FHIT: variants seen among roughly 807,000 people sequenced by gnomAD.
The protein encoded by FHIT is fragile histidine triad diadenosine triphosphatase, also known as bis(5'-adenosyl)-triphosphatase.
A neutral mutation model predicts 17.9 loss-of-function variants in FHIT; 19 were observed. The ratio of observed to expected loss-of-function variants is 1.06; its 90% CI spans 0.74 to 1.56. The LOEUF (loss-of-function observed/expected upper bound fraction) is 1.56, where lower values mean the gene tolerates loss of function less well. FHIT is among the 40% of genes most tolerant of loss of function. The pLI is 0.00. For synonymous variants in FHIT, 81 were observed against 69.7 expected, an observed-to-expected ratio of 1.16 and a Z score of -0.81; for missense variants, 248 against 189.2, an observed-to-expected ratio of 1.31 and a Z score of -1.82.
intron 4 of FHIT, among the ~76,000 whole-genome samples, chr3:60,602,909 C>A (rs919989090): frequency 1.3e-5 from 2 of 152,106 alleles, no homozygotes; most frequent in Admixed American, 6.6e-5. Flanking sequence ...GAAAGCAAGC[C>A]TTTGCCAGAC....
At chr3:60,301,603 C>T (rs945536691) in intron 5 of FHIT, among the ~76,000 whole-genome samples, 1 of 152,144 alleles carries the variant, frequency 6.6e-6, no homozygotes. Flanking sequence ...TGACATACCC[C>T]CCAGTTTCCC....
intron 7 of FHIT, among the ~76,000 whole-genome samples, chr3:59,923,648 G>A (rs2107197731): frequency 6.6e-6 from 1 of 152,238 alleles, no homozygotes; most frequent in South Asian, 2.1e-4. Flanking sequence ...TACAAACCGT[G>A]GGGAGGAATG....
chr3:60,071,271 T>C (rs910179415), intron 5 of FHIT, among the ~76,000 whole-genome samples: 1 of 152,200 alleles, frequency 6.6e-6, no homozygotes, highest in African/African-American at 2.4e-5. Context: ...AAGAATCCTA[T>C]TCATAATTTT....
chr3:60,956,318 G>T (rs1419443722), intron 3 of FHIT, among the ~76,000 whole-genome samples: 1 of 152,156 alleles, frequency 6.6e-6, no homozygotes, highest in Admixed American at 6.5e-5. Context: ...ACAGCACATA[G>T]GATAGCAAGT....
chr3:61,088,758 C>A (rs1030973586), intron 2 of FHIT, among the ~76,000 whole-genome samples: 2 of 80,964 alleles, frequency 2.5e-5, no homozygotes, highest in African/African-American at 1.2e-4. Flanking sequence ...TTTTTAGTGA[C>A]CCAAAATGCT....
chr3:61,249,474 C>A (rs1399374240), intron 1 of FHIT, among the ~76,000 whole-genome samples: 1 of 152,114 alleles, frequency 6.6e-6, no homozygotes, highest in African/African-American at 2.4e-5. Context: ...TTAAAAGATT[C>A]CAAATTCTGT....
intron 3 of FHIT, among the ~76,000 whole-genome samples, chr3:60,999,552 A>G (rs2030918747): frequency 6.6e-6 from 1 of 151,620 alleles, no homozygotes; most frequent in Admixed American, 6.6e-5. Flanking sequence ...ATCTCCTTAC[A>G]ATGAACAATT....
intron 3 of FHIT, among the ~76,000 whole-genome samples, chr3:60,840,142 G>A (rs1702672504): frequency 6.6e-6 from 1 of 152,080 alleles, no homozygotes. Flanking sequence ...AAACAAGCAT[G>A]AAAGTGGCCC....
chr3:60,189,921 C>T (rs1248589423), intron 5 of FHIT, among the ~76,000 whole-genome samples: 2 of 152,156 alleles, frequency 1.3e-5, no homozygotes, highest in Non-Finnish European at 1.5e-5. Flanking sequence ...ATGCATTGAA[C>T]AGTTACCTCT....
At chr3:59,762,140 T>C (rs1295164520) in intron 8 of FHIT, among the ~76,000 whole-genome samples, 2 of 152,052 alleles carry the variant, frequency 1.3e-5, no homozygotes, top group African/African-American at 2.4e-5. Context: ...GTAGACAACA[T>C]GGCTACACTG....
At chr3:60,515,673 A>G (rs902733159) in intron 5 of FHIT, among the ~76,000 whole-genome samples, 7 of 152,102 alleles carry the variant, frequency 4.6e-5, no homozygotes, top group Admixed American at 6.5e-5. Context: ...TTCTCATAAC[A>G]ATAGAAACTT....
chr3:60,136,768 C>G (rs1284808300), intron 5 of FHIT, among the ~76,000 whole-genome samples: 1 of 152,170 alleles, frequency 6.6e-6, no homozygotes, highest in African/African-American at 2.4e-5. Context: ...CCTGGCCCCT[C>G]TCACGAGGCC....
At chr3:60,140,939 C>T (rs1038206634) in intron 5 of FHIT, among the ~76,000 whole-genome samples, 10 of 152,134 alleles carry the variant, frequency 6.6e-5, no homozygotes, top group South Asian at 2.1e-4. Context: ...AAGCTGTCAT[C>T]GGTCAGTAAA....
At chr3:61,002,161 C>A (rs2031129482) in intron 3 of FHIT, among the ~76,000 whole-genome samples, 1 of 152,154 alleles carries the variant, frequency 6.6e-6, no homozygotes, top group Non-Finnish European at 1.5e-5. Context: ...TTATACTCAG[C>A]AATTTTAAAA....
chr3:59,770,123 T>A (rs531263461), intron 8 of FHIT, among the ~76,000 whole-genome samples: 1 of 152,324 alleles, frequency 6.6e-6, no homozygotes, highest in East Asian at 1.9e-4. Context: ...AACGAGGGCA[T>A]GATAAGTTCC....
intron 5 of FHIT, among the ~76,000 whole-genome samples, chr3:60,393,645 T>C (rs552854059): frequency 2.0e-5 from 3 of 152,190 alleles, no homozygotes; most frequent in Admixed American, 6.5e-5. Flanking sequence ...CTGCTCTCCA[T>C]CATATTTTAT....
At chr3:60,463,603 G>C (rs1228088486) in intron 5 of FHIT, among the ~76,000 whole-genome samples, 1 of 152,184 alleles carries the variant, frequency 6.6e-6, no homozygotes, top group Admixed American at 6.5e-5. Context: ...CTGGGGAAAG[G>C]AAGGGGACGT....
intron 8 of FHIT, among the ~76,000 whole-genome samples, chr3:59,777,165 C>T (rs1051038046): frequency 2.0e-5 from 3 of 152,132 alleles, no homozygotes; most frequent in Non-Finnish European, 2.9e-5. Context: ...GGGTGGCCCA[C>T]GCTTGATTCT....
At chr3:60,338,348 T>C (rs1427509051) in intron 5 of FHIT, among the ~76,000 whole-genome samples, 1 of 152,182 alleles carries the variant, frequency 6.6e-6, no homozygotes, top group Non-Finnish European at 1.5e-5. Flanking sequence ...CATCTAATTA[T>C]TTAGAGATCC....
Sources: allele counts gnomAD v4.1 joint callset (sites outside exome capture counted in the v4.1 genomes callset), GRCh38; gene constraint gnomAD v4.1.1; transcripts MANE v1.5; gene names NCBI Gene and HGNC (gene_info 2026-07-23, HGNC 2026-07-21).